Variants in CACNA1E observed in about 807,000 individuals in gnomAD.
CACNA1E encodes the protein calcium voltage-gated channel subunit alpha1 E.
In CACNA1E, 40 loss-of-function variants were observed where a neutral mutation model predicts 259.2. The ratio of observed to expected loss-of-function variants is 0.15; its 90% CI spans 0.12 to 0.20. The LOEUF (loss-of-function observed/expected upper bound fraction) is 0.20, where lower values mean the gene tolerates loss of function less well. Ranked by LOEUF, CACNA1E falls within the 10% of genes least tolerant of loss-of-function variation. The pLI, the probability that CACNA1E is intolerant of heterozygous loss-of-function variation, is 1.00. For missense variants in CACNA1E, 1,874 were observed against 3,040.1 expected (o/e 0.62, Z 9.02); for synonymous variants, 1,104 against 1,138.5 (o/e 0.97, Z 0.61).
chr1:181,512,626 C>T (rs891243299), intron 3 of CACNA1E, among the ~76,000 whole-genome samples: 3 of 152,140 alleles, frequency 2.0e-5, no homozygotes, highest in Admixed American at 6.5e-5. Flanking sequence ...ACAAAATACT[C>T]TTATTTTTTA....
chr1:181,669,266 T>C (rs758408749), intron 7 of CACNA1E, among the ~76,000 whole-genome samples: 4 of 152,194 alleles, frequency 2.6e-5, no homozygotes, highest in Non-Finnish European at 4.4e-5. Context: ...AAGGTCCAAA[T>C]TAATGTTCTT....
At chr1:181,613,847 G>A (rs879750831) in intron 6 of CACNA1E, among the ~76,000 whole-genome samples, 7 of 152,026 alleles carry the variant, frequency 4.6e-5, no homozygotes, top group Non-Finnish European at 7.4e-5. Context: ...TTTCCTCCTC[G>A]ATGATGTTTT....
intron 7 of CACNA1E, among the ~76,000 whole-genome samples, chr1:181,702,130 A>G (rs1424394237): frequency 6.6e-6 from 1 of 152,122 alleles, no homozygotes; most frequent in Non-Finnish European, 1.5e-5. Flanking sequence ...TTATATACAC[A>G]GCTGAATTCC....
At chr1:181,514,100 C>T (rs998671818) in intron 3 of CACNA1E, among the ~76,000 whole-genome samples, 2 of 152,162 alleles carry the variant, frequency 1.3e-5, no homozygotes, top group East Asian at 1.9e-4. Context: ...CTGAGGGTTG[C>T]GGTTCTATCC....
At chr1:181,516,491 T>C (rs1454258961) in intron 3 of CACNA1E, among the ~76,000 whole-genome samples, 2 of 152,144 alleles carry the variant, frequency 1.3e-5, no homozygotes, top group East Asian at 3.9e-4. Context: ...ATTTAACTTG[T>C]CCAAATCCAA....
At chr1:181,326,024 G>C (rs937538334) in intron 1 of CACNA1E, among the ~76,000 whole-genome samples, 2 of 152,162 alleles carry the variant, frequency 1.3e-5, no homozygotes, top group Non-Finnish European at 2.9e-5. Context: ...CTCCGCCGCC[G>C]GTTTCCTTGG....
intron 7 of CACNA1E, among the ~76,000 whole-genome samples, chr1:181,664,139 T>G (rs1412833512): frequency 1.3e-5 from 2 of 152,226 alleles, no homozygotes; most frequent in Non-Finnish European, 2.9e-5. Flanking sequence ...CAGCTCGAAG[T>G]GGGCAAGTGA....
At chr1:181,457,866 T>C (rs1461085593) in intron 2 of CACNA1E, among the ~76,000 whole-genome samples, 1 of 152,126 alleles carries the variant, frequency 6.6e-6, no homozygotes, top group Non-Finnish European at 1.5e-5. Context: ...ACATTCCCAC[T>C]ATGGGACAGG....
upstream of CACNA1E, among the ~76,000 whole-genome samples, chr1:181,482,484 C>T (rs1458280098): frequency 6.6e-6 from 1 of 152,242 alleles, no homozygotes; most frequent in Non-Finnish European, 1.5e-5. Context: ...GGCTGCTACC[C>T]TTTGGCCACA....
chr1:181,430,628 C>G (rs1393854062), intron 2 of CACNA1E, among the ~76,000 whole-genome samples: 1 of 152,194 alleles, frequency 6.6e-6, no homozygotes, highest in East Asian at 1.9e-4. Context: ...TATGTTGGGC[C>G]TTACTTGCTT....
At chr1:181,755,833 T>C (rs922552741) in intron 28 of CACNA1E, 123 bp from the exon 29 acceptor site, 7 of 1,017,000 alleles carry the variant, frequency 6.9e-6, no homozygotes, top group Non-Finnish European at 8.4e-6. Context: ...GAATTCCTTT[T>C]GCCTTACACA....
Position 181,796,700 on chromosome 1 carries a change from A to G in CACNA1E, c.6241A>G (p.Arg2081Gly), listed in dbSNP as rs1218449024. The G allele has an allele frequency of 1.2e-6, 2 of 1,607,052 alleles. No individual in the cohort carries two copies. The highest frequency in any genetic ancestry group is 1.7e-6 in the Non-Finnish European group (2 of 1,175,264). The change falls in exon 47 of 48, where the codon AGG becomes GGG. Residue 2081 changes from arginine to glycine, a missense_variant. By Grantham distance (125) the Arg-to-Gly change is moderately radical (BLOSUM62 -2). Coordinates refer to ENST00000367573, the MANE Select transcript of CACNA1E (RefSeq NM_001205293.3). ...HKSDTHRSGG[R>G]ERGRSKERKH... Reference sequence around the variant, plus strand: ...GTCTGACACTCACCGCTCAGGGGGCAGGGAGCGGGGACGATCAAAAGAGCG... The same window carrying G: ...GTCTGACACTCACCGCTCAGGGGGCGGGGAGCGGGGACGATCAAAAGAGCG...
chr1:181,586,427 C>T (rs1490508446), intron 6 of CACNA1E, among the ~76,000 whole-genome samples: 2 of 151,972 alleles, frequency 1.3e-5, no homozygotes, highest in African/African-American at 2.4e-5. Context: ...TGAATATAGA[C>T]AGGGAAGAGA....
intron 6 of CACNA1E, among the ~76,000 whole-genome samples, chr1:181,616,466 G>A (rs1418660751): frequency 1.3e-5 from 2 of 152,112 alleles, no homozygotes; most frequent in African/African-American, 4.8e-5. Flanking sequence ...TATAATCCCA[G>A]CACTTTGGGA....
intron 7 of CACNA1E, among the ~76,000 whole-genome samples, chr1:181,704,308 A>G (rs1279125591): frequency 2.0e-5 from 3 of 152,154 alleles, no homozygotes; most frequent in Non-Finnish European, 4.4e-5. Context: ...AAATATAGAA[A>G]CATTGAAGAG....
In CACNA1E at chr1:181,378,530, G is replaced by A. The variant is rs1168491399; in HGVS notation, c.-14-34603G>A. ...AGTTTACAGGACAAAGTGACAGACAGGAGAGACTTGTACACAGAGAGAACT... is the reference window on the plus strand; with the variant it reads ...AGTTTACAGGACAAAGTGACAGACAAGAGAGACTTGTACACAGAGAGAACT... On this transcript the variant is annotated intron_variant, in intron 1 of 11. Transcript: ENST00000524607. Among the ~76,000 whole-genome samples, 12 of 152,198 alleles carry A rather than the reference G, an allele frequency of 7.9e-5. No individual in the cohort carries two copies. In the East Asian group the frequency reaches 2.3e-3, roughly 29 times the overall value.
intron 6 of CACNA1E, among the ~76,000 whole-genome samples, chr1:181,590,416 A>ATATATATATATATATATATAT (rs1419171903): frequency 1.7e-4 from 20 of 115,882 alleles, no homozygotes; most frequent in African/African-American, 6.7e-4. Context: ...AAAAAAAAAA[A>ATATATATATATATATATATAT]ATATATATAT....
intron 38 of CACNA1E, among the ~76,000 whole-genome samples, chr1:181,780,498 A>T (rs1660330317): frequency 6.6e-6 from 1 of 152,144 alleles, no homozygotes; most frequent in African/African-American, 2.4e-5. Flanking sequence ...AGGCAGCTGG[A>T]AGATGACCTA....
chr1:181,432,340 C>T (rs886688631), intron 2 of CACNA1E, among the ~76,000 whole-genome samples: 1 of 152,054 alleles, frequency 6.6e-6, no homozygotes, highest in Admixed American at 6.5e-5. Context: ...ACATCAAGCA[C>T]CCAGGTCCAC....
Sources: gnomAD v4.1 joint callset for allele counts (sites outside exome capture counted in the v4.1 genomes callset) on GRCh38, gnomAD v4.1.1 for gene constraint, MANE v1.5 for transcripts, NCBI Gene and HGNC (gene_info 2026-07-23, HGNC 2026-07-21) for gene names.